Variants in NKAIN2 observed in about 807,000 individuals in gnomAD.
NKAIN2 encodes sodium/potassium transporting ATPase interacting 2.
In NKAIN2, 14 loss-of-function variants were observed where a neutral mutation model predicts 32.6. The observed-to-expected ratio is 0.43, with a 90% CI of 0.28 to 0.67. The LOEUF (loss-of-function observed/expected upper bound fraction) is 0.67, where lower values mean the gene tolerates loss of function less well. Ranked by LOEUF, NKAIN2 falls within the 30% of genes least tolerant of loss-of-function variation. The pLI, the probability that NKAIN2 is intolerant of heterozygous loss-of-function variation, is 0.17. For synonymous variants in NKAIN2, 80 were observed against 87.2 expected (o/e 0.92, Z 0.46); for missense variants, 198 against 258.3 (o/e 0.77, Z 1.60).
chr6:124,678,944 G>C (rs1773489045), intron 4 of NKAIN2, among the ~76,000 whole-genome samples: 1 of 152,070 alleles, frequency 6.6e-6, no homozygotes, highest in Non-Finnish European at 1.5e-5. Flanking sequence ...TTTCAAATCA[G>C]AGCGATTTAC....
chr6:124,393,664 A>C (rs1773238736), intron 3 of NKAIN2, among the ~76,000 whole-genome samples: 1 of 152,126 alleles, frequency 6.6e-6, no homozygotes, highest in Non-Finnish European at 1.5e-5. Context: ...GCCGAGTCTC[A>C]AAACCTCACC....
chr6:124,082,417 A>G (rs1784017395), intron 1 of NKAIN2, among the ~76,000 whole-genome samples: 1 of 152,078 alleles, frequency 6.6e-6, no homozygotes, highest in African/African-American at 2.4e-5. Context: ...TGAGAAATTT[A>G]TGCAAAAGAT....
chr6:124,366,160 A>G (rs988872262), intron 3 of NKAIN2, among the ~76,000 whole-genome samples: 4 of 152,248 alleles, frequency 2.6e-5, no homozygotes, highest in African/African-American at 9.6e-5. Context: ...CATATACAAT[A>G]GGGGAAAAAA....
chr6:124,117,971 T>C (rs566588920), intron 1 of NKAIN2, among the ~76,000 whole-genome samples: 26 of 151,716 alleles, frequency 1.7e-4, no homozygotes, highest in African/African-American at 6.3e-4. Flanking sequence ...TAAGGAAATC[T>C]GGTTCTCTTT....
chr6:123,968,329 A>G (rs1247823370), intron 1 of NKAIN2, among the ~76,000 whole-genome samples: 1 of 152,146 alleles, frequency 6.6e-6, no homozygotes, highest in African/African-American at 2.4e-5. Context: ...CACGGGTGCT[A>G]TTACTTATAG....
chr6:124,505,682 CA>C (rs1406754489), intron 3 of NKAIN2, among the ~76,000 whole-genome samples: 1 of 152,040 alleles, frequency 6.6e-6, no homozygotes, highest in African/African-American at 2.4e-5. Flanking sequence ...CTATTAAATA[CA>C]AAAAGAAGGG....
At chr6:124,688,715 T>C (rs1211919996) in intron 4 of NKAIN2, among the ~76,000 whole-genome samples, 5 of 152,162 alleles carry the variant, frequency 3.3e-5, no homozygotes, top group Admixed American at 6.6e-5. Context: ...GAATGTCATA[T>C]AGTTGAAGTT....
chr6:124,036,686 CT>C (rs1781617592), intron 1 of NKAIN2, among the ~76,000 whole-genome samples: 1 of 152,024 alleles, frequency 6.6e-6, no homozygotes, highest in African/African-American at 2.4e-5. Context: ...AATTCCTGAC[CT>C]TGCCCATTTT....
At chr6:124,505,392 A>G (rs1401774947) in intron 3 of NKAIN2, among the ~76,000 whole-genome samples, 1 of 152,194 alleles carries the variant, frequency 6.6e-6, no homozygotes, top group Non-Finnish European at 1.5e-5. Flanking sequence ...AAATGAAGCT[A>G]TGTTATAAAG....
At chr6:124,190,465 T>C (rs781011055) in intron 1 of NKAIN2, among the ~76,000 whole-genome samples, 2 of 152,214 alleles carry the variant, frequency 1.3e-5, no homozygotes, top group Non-Finnish European at 2.9e-5. Context: ...TAAAACATGC[T>C]GGAATTTTTA....
At chr6:124,766,111 A>G (rs898803228) in intron 4 of NKAIN2, among the ~76,000 whole-genome samples, 7 of 152,218 alleles carry the variant, frequency 4.6e-5, no homozygotes, top group Non-Finnish European at 1.0e-4. Flanking sequence ...TTATTTTATA[A>G]AACACACAAA....
intron 1 of NKAIN2, among the ~76,000 whole-genome samples, chr6:124,193,258 C>T (rs1790123161): frequency 6.6e-6 from 1 of 152,194 alleles, no homozygotes; most frequent in Non-Finnish European, 1.5e-5. Flanking sequence ...TTCGCACTAC[C>T]AGCCGGGATC....
At position 123,926,036 on chromosome 6, in the gene NKAIN2, T is replaced by C. The variant is rs148593373; in HGVS notation, c.54+121782T>C. ...TGTGTCCTCACATGGTGGAAGGGAC[T>C]AGCTAGCTCTTTGTGGTCTCTTGTC... is the stretch of plus-strand genomic sequence containing the variant. On this transcript the variant is annotated intron_variant, in intron 1 of 6. Coordinates refer to ENST00000368417, the MANE Select transcript of NKAIN2 (RefSeq NM_001040214.3). Among the ~76,000 whole-genome samples, 1,081 of 152,298 alleles carry C rather than the reference T, an allele frequency of 7.1e-3. 8 individuals carry two copies. The highest frequency in any genetic ancestry group is 0.011 in the Non-Finnish European group (723 of 68,030).
At chr6:124,576,279 G>C (rs1781331767) in intron 3 of NKAIN2, among the ~76,000 whole-genome samples, 1 of 152,144 alleles carries the variant, frequency 6.6e-6, no homozygotes, top group African/African-American at 2.4e-5. Flanking sequence ...TTCATGGAAA[G>C]TGGTATTTAC....
chr6:123,983,745 AT>A (rs10589453), intron 1 of NKAIN2, among the ~76,000 whole-genome samples: 83 of 150,022 alleles, frequency 5.5e-4, no homozygotes, highest in African/African-American at 8.6e-4. Context: ...ATATATATAT[AT>A]TTTTTTTTTC....
chr6:123,981,578 G>A (rs2114665953), intron 1 of NKAIN2, among the ~76,000 whole-genome samples: 1 of 152,266 alleles, frequency 6.6e-6, no homozygotes, highest in Middle Eastern at 3.4e-3. Flanking sequence ...AAGAGGGAGA[G>A]CAAGACCAAG....
chr6:124,389,739 GT>G (rs1239820737), intron 3 of NKAIN2, among the ~76,000 whole-genome samples: 31 of 151,400 alleles, frequency 2.0e-4, no homozygotes, highest in East Asian at 1.4e-3. Flanking sequence ...GTGTGTGTGT[GT>G]GTGTGTGTGT....
intron 1 of NKAIN2, among the ~76,000 whole-genome samples, chr6:123,944,014 G>T (rs574161652): frequency 6.6e-6 from 1 of 152,082 alleles, no homozygotes; most frequent in East Asian, 1.9e-4. Flanking sequence ...GGCATTAATT[G>T]ATTCCAAAGG....
At chr6:123,997,273 G>C (rs1245024027) in intron 1 of NKAIN2, among the ~76,000 whole-genome samples, 1 of 152,170 alleles carries the variant, frequency 6.6e-6, no homozygotes, top group Non-Finnish European at 1.5e-5. Context: ...ATATTCTGGT[G>C]ACTGTTCTCT....
Sources: allele counts gnomAD v4.1 joint callset (sites outside exome capture counted in the v4.1 genomes callset), GRCh38; gene constraint gnomAD v4.1.1; transcripts MANE v1.5; gene names NCBI Gene and HGNC (gene_info 2026-07-23, HGNC 2026-07-21).